The following SPATS2L variants were observed in gnomAD, a reference collection of about 807,000 sequenced individuals.
SPATS2L encodes the protein SPATS2-like protein.
A neutral mutation model predicts 59.6 loss-of-function variants in SPATS2L; 30 were observed. That is an observed-to-expected ratio of 0.50 (90% confidence interval 0.38 to 0.68). The LOEUF (loss-of-function observed/expected upper bound fraction) is 0.68. Ranked by LOEUF, SPATS2L falls within the 30% of genes least tolerant of loss-of-function variation. The probability of loss-of-function intolerance (pLI) is 0.00; values close to 1 mark genes in which losing one functional copy is unlikely to be tolerated. For synonymous variants in SPATS2L, 252 were observed against 263.5 expected, an observed-to-expected ratio of 0.96 and a Z score of 0.42; for missense variants, 615 against 700.0, an observed-to-expected ratio of 0.88 and a Z score of 1.37.
chr2:200,424,266 T>G (rs2083432528), intron 6 of SPATS2L, among the ~76,000 whole-genome samples: 1 of 151,908 alleles, frequency 6.6e-6, no homozygotes, highest in Non-Finnish European at 1.5e-5. Flanking sequence ...GTGGGAAGAT[T>G]ACTTGAGGCC....
intron 1 of SPATS2L, among the ~76,000 whole-genome samples, chr2:200,315,911 G>A: frequency 6.8e-6 from 1 of 146,584 alleles, no homozygotes; most frequent in Non-Finnish European, 1.5e-5. Flanking sequence ...TGCAGTCCCA[G>A]CTACTCGGGA....
chr2:200,410,545 A>T (rs900580233), intron 3 of SPATS2L, among the ~76,000 whole-genome samples: 1 of 151,978 alleles, frequency 6.6e-6, no homozygotes, highest in Non-Finnish European at 1.5e-5. Flanking sequence ...CTAGAAGCCT[A>T]CCCTCTGCCT....
Position 200,387,667 on chromosome 2 carries a change from G to A in SPATS2L, c.-22-1556G>A, listed in dbSNP as rs149025896. The stretch of plus-strand genomic sequence containing the variant: ...TTTTTGCAAGTTATCCCTAGCATGT[G>A]TCTACTCTGGAGGTGGGTACACTCT... On this transcript the variant is annotated intron_variant, in intron 2 of 12. Transcript: ENST00000409140. Among the ~76,000 whole-genome samples, 4 of 152,304 alleles carry A rather than the reference G, an allele frequency of 2.6e-5. No individual in the cohort carries two copies. In the East Asian group the frequency reaches 7.7e-4, roughly 29 times the overall value.
chr2:200,376,540 T>C (rs947679304), intron 2 of SPATS2L, among the ~76,000 whole-genome samples: 1 of 152,242 alleles, frequency 6.6e-6, no homozygotes, highest in Non-Finnish European at 1.5e-5. Flanking sequence ...AACTTTGCTC[T>C]TTCTATGTTA....
chr2:200,351,198 T>C, intron 2 of SPATS2L: 1 of 470,554 alleles, frequency 2.1e-6, no homozygotes, highest in Non-Finnish European at 4.4e-6. Flanking sequence ...ATTTCTTCTG[T>C]AGCTGAGCAC....
chr2:200,385,553 G>A (rs1360772568), intron 2 of SPATS2L, among the ~76,000 whole-genome samples: 1 of 152,100 alleles, frequency 6.6e-6, no homozygotes, highest in East Asian at 1.9e-4. Context: ...ACATTCTGGA[G>A]GGACTAGTGC....
At chr2:200,416,478 C>A in intron 5 of SPATS2L, 50 bp downstream of exon 5, 2 of 1,092,242 alleles carry the variant, frequency 1.8e-6, no homozygotes, top group East Asian at 2.8e-5. Context: ...TCAAAACCTT[C>A]ATGGTTGTTA....
chr2:200,320,261 G>T (rs912574588), intron 1 of SPATS2L, among the ~76,000 whole-genome samples: 1 of 152,108 alleles, frequency 6.6e-6, no homozygotes, highest in Admixed American at 6.5e-5. Context: ...AGATTCATGA[G>T]AGTAATTTTT....
At chr2:200,443,708 A>C (rs2084849091) in intron 8 of SPATS2L, among the ~76,000 whole-genome samples, 1 of 152,200 alleles carries the variant, frequency 6.6e-6, no homozygotes, top group Non-Finnish European at 1.5e-5. Context: ...AAGTGCCAGC[A>C]TAAGGACCTG....
upstream of SPATS2L, chr2:200,306,650 C>T: frequency 1.0e-6 from 1 of 987,038 alleles, no homozygotes; most frequent in Non-Finnish European, 1.2e-6. Context: ...CGGGGGCAGC[C>T]TGCGAGGGGC....
chr2:200,329,501 C>T (rs974602273), intron 2 of SPATS2L, 21 bp downstream of exon 2: 2 of 1,547,542 alleles, frequency 1.3e-6, no homozygotes, highest in African/African-American at 2.7e-5. Context: ...ATGGTCCTTC[C>T]CTCTCTGTGA....
chr2:200,334,213 T>G (rs1237590847), intron 2 of SPATS2L, among the ~76,000 whole-genome samples: 2 of 152,224 alleles, frequency 1.3e-5, no homozygotes, highest in Non-Finnish European at 2.9e-5. Flanking sequence ...TGTGAGATGG[T>G]ATCTCATTAT....
chr2:200,323,617 T>G (rs1308954307), intron 1 of SPATS2L, among the ~76,000 whole-genome samples: 1 of 151,952 alleles, frequency 6.6e-6, no homozygotes, highest in African/African-American at 2.4e-5. Flanking sequence ...TAGCTTAGAG[T>G]CTCTCAGAGT....
At chr2:200,411,904 G>GA (rs1221142896) in intron 3 of SPATS2L, among the ~76,000 whole-genome samples, 2 of 152,180 alleles carry the variant, frequency 1.3e-5, no homozygotes, top group Admixed American at 6.5e-5. Flanking sequence ...GCTGAGGCAT[G>GA]AGGCTATTTC....
At position 200,444,476 on chromosome 2, in the gene SPATS2L, C is replaced by T. The variant is rs2084902598; in HGVS notation, c.788+3692C>T. On this transcript the variant is annotated intron_variant, in intron 8 of 12. Transcript: ENST00000409140. ...AAGAAAATGGAAGACGGTAATGAGC[C>T]AATGGGGTAGCGTGTGTGCTGGGCA... Among the ~76,000 whole-genome samples, 3 of 151,976 alleles carry T rather than the reference C, an allele frequency of 2.0e-5. No homozygotes were observed. In the South Asian group the frequency reaches 6.2e-4, roughly 32 times the overall value.
At chr2:200,413,070 T>C (rs189869919) in intron 4 of SPATS2L, among the ~76,000 whole-genome samples, 1 of 152,210 alleles carries the variant, frequency 6.6e-6, no homozygotes, top group African/African-American at 2.4e-5. Flanking sequence ...GATAAATAAA[T>C]AAATGTGTCC....
rs1559171627 is a variant in SPATS2L at position 200,477,621 on chromosome 2, T to C, written c.1282-15T>C. On this transcript the variant is annotated splice_polypyrimidine_tract_variant and intron_variant, in intron 12 of 12. Coordinates refer to ENST00000409140, the MANE Select transcript of SPATS2L (RefSeq NM_001100423.2). The stretch of plus-strand genomic sequence containing the variant: ...TTGCTGGCATCTGATACTTATCTCT[T>C]TTCTTTTTTGGTAGAATGGATCTTC... The C allele has an allele frequency of 6.6e-7, 1 of 1,519,926 alleles. No individual in the cohort carries two copies. The highest frequency in any genetic ancestry group is 8.8e-7 in the Non-Finnish European group (1 of 1,131,966). 94.2% of individuals were successfully genotyped at this position (1,519,926 alleles called of 1,614,324 possible).
At chr2:200,437,796 G>A (rs1186467249) in intron 6 of SPATS2L, among the ~76,000 whole-genome samples, 6 of 152,146 alleles carry the variant, frequency 3.9e-5, no homozygotes, top group African/African-American at 1.4e-4. Context: ...ATGGACTAAT[G>A]TCTAAAATCA....
intron 6 of SPATS2L, among the ~76,000 whole-genome samples, chr2:200,435,964 AT>A (rs955864325): frequency 6.6e-5 from 10 of 152,252 alleles, no homozygotes; most frequent in Non-Finnish European, 1.3e-4. Flanking sequence ...AATATTTTAA[AT>A]TTTTTATTTT....
Sources: allele counts gnomAD v4.1 joint callset (sites outside exome capture counted in the v4.1 genomes callset), GRCh38; gene constraint gnomAD v4.1.1; transcripts MANE v1.5; gene names NCBI Gene and HGNC (gene_info 2026-07-23, HGNC 2026-07-21).